ARHGAP21: variants seen among roughly 807,000 people sequenced by gnomAD.
The protein encoded by ARHGAP21 is rho GTPase-activating protein 21.
A neutral mutation model predicts 164.6 loss-of-function variants in ARHGAP21; 38 were observed. The observed-to-expected ratio is 0.23, with a 90% CI of 0.18 to 0.30. ARHGAP21 has a LOEUF of 0.30. ARHGAP21 is among the 10% of genes least tolerant of loss of function. The pLI is 1.00. For missense variants in ARHGAP21, 1,822 were observed against 2,370.7 expected (o/e 0.77, Z 4.81); for synonymous variants, 766 against 857.9 (o/e 0.89, Z 1.87).
At chr10:24,684,432 G>C (rs1277234734) in intron 2 of ARHGAP21, among the ~76,000 whole-genome samples, 2 of 152,088 alleles carry the variant, frequency 1.3e-5, no homozygotes, top group African/African-American at 4.8e-5. Context: ...CTACAAATTT[G>C]AGAGGCATAT....
At position 24,635,068 on chromosome 10, in the gene ARHGAP21, T is replaced by C. The variant is rs1183152144; in HGVS notation, c.304A>G (p.Ile102Val). 1.0e-5 allele frequency: 16 copies of C among 1,603,034 alleles called. No individual in the cohort carries two copies. The highest frequency in any genetic ancestry group is 1.3e-5 in the Non-Finnish European group (15 of 1,175,782). ...CCTTCTTTAACTTGCTTAACAAATA[T>C]GGTATCCATTGGTTCCAAGCGGTTT... is the stretch of plus-strand genomic sequence containing the variant. ...QRNRLEPMDT[I>V]FVKQVKEGGP... Residue 102 changes from isoleucine (I) to valine (V), a missense_variant, in exon 5 of 26, where the codon ATA (isoleucine) becomes GTA (valine). This residue lies in a region of ARHGAP21 where 1,090 missense variants were observed against 1,378.9 expected (regional missense o/e 0.79). Coordinates refer to ENST00000396432, the MANE Select transcript of ARHGAP21 (RefSeq NM_020824.4).
chr10:24,650,949 CAA>C (rs1224172860), intron 4 of ARHGAP21, among the ~76,000 whole-genome samples: 1 of 151,012 alleles, frequency 6.6e-6, no homozygotes, highest in Non-Finnish European at 1.5e-5. Flanking sequence ...CCATCAATCT[CAA>C]AAGGCTGAGG....
At chr10:24,660,930 T>C (rs1228935318) in intron 4 of ARHGAP21, among the ~76,000 whole-genome samples, 1 of 152,108 alleles carries the variant, frequency 6.6e-6, no homozygotes, top group Non-Finnish European at 1.5e-5. Context: ...CAGGCCCCTA[T>C]GCTGAGCCAG....
rs3184359 is a variant in ARHGAP21 at position 24,583,829 on chromosome 10, C to T, written c.*583G>A. On this transcript the variant is annotated 3_prime_UTR_variant, in exon 26 of 26. Transcript: ENST00000396432. ...ACATTTAATATGTTCATTTAAGTTA[C>T]GTATTTTACAGAAAGATTAAAAATT... is the stretch of plus-strand genomic sequence containing the variant. 1.3e-5 allele frequency: 2 copies of T among 152,506 alleles called. No individual in the cohort carries two copies. The highest frequency in any genetic ancestry group is 2.9e-5 in the Non-Finnish European group (2 of 68,022). 9.4% of individuals were successfully genotyped at this position (152,506 alleles called of 1,614,324 possible). A position where few individuals can be genotyped will look rare whatever the true frequency, so the allele number is the denominator to read the frequency against.
chr10:24,615,863 T>C (rs911720959), intron 9 of ARHGAP21, among the ~76,000 whole-genome samples: 9 of 152,216 alleles, frequency 5.9e-5, no homozygotes, highest in African/African-American at 2.2e-4. Flanking sequence ...CAACCTCTGC[T>C]TCCCAGGTTC....
chr10:24,591,706 A>G, intron 22 of ARHGAP21, 23 bp from the exon 23 acceptor site: 1 of 1,613,468 alleles, frequency 6.2e-7, no homozygotes, highest in South Asian at 1.1e-5. Flanking sequence ...AAAGGTGAGA[A>G]GAGAAATTAA....
chr10:24,590,509 G>A (rs949029620), intron 24 of ARHGAP21: 113 of 1,532,196 alleles, frequency 7.4e-5, no homozygotes, highest in Non-Finnish European at 7.2e-5. Flanking sequence ...ATTTGCCTGT[G>A]TCAGTAAGAG....
rs200336528 is a variant in ARHGAP21, at chr10:24,630,019, T to C, written c.472A>G (p.Lys158Glu). ...ACCACTTGGAGAATGTCTTCATCTT[T>C]TGGCATAACACTAAGTTCCAATGTT... The part of the protein sequence containing the change: ...DTTLELSVMP[K>E]DEDILQVLQF... Residue 158 changes from lysine to glutamate, a missense_variant, in exon 7 of 26, where the codon AAA becomes GAA. Around this residue, in one of 5 missense-constraint regions of ARHGAP21, gnomAD observed 1,090 missense variants for 1,378.9 expected, o/e 0.79. Coordinates refer to ENST00000396432, the MANE Select transcript of ARHGAP21 (RefSeq NM_020824.4). The C allele has an allele frequency of 7.8e-5, 123 of 1,572,808 alleles. 1 individual carries two copies. The South Asian group carries it at 1.1e-3, about 14-fold the overall frequency.
intron 7 of ARHGAP21, 141 bp downstream of exon 7, chr10:24,629,855 T>C (rs1473084409): frequency 1.4e-6 from 1 of 721,068 alleles, no homozygotes; most frequent in South Asian, 1.5e-5. Flanking sequence ...TGTAGAGAAT[T>C]CCAGATTCTG....
Position 24,620,030 on chromosome 10 carries a change from C to G in ARHGAP21, c.1865G>C (p.Arg622Pro). 6.2e-7 allele frequency: 1 copy of G among 1,613,948 alleles called. No homozygotes were observed. Among genetic ancestry groups the G allele is most frequent in the African/African-American group, 1.3e-5 (1 of 75,024 alleles). ...GGAAGGAGCTTTCAGAGAATTACTT[C>G]GGACTTTCACAAGAGGTGACCTGTC... The part of the protein sequence containing the change: ...SQDRSPLVKV[R>P]SNSLKAPSTH... The change falls in exon 9 of 26, where the codon CGA (arginine) becomes CCA (proline). Residue 622 changes from arginine (R) to proline (P), a missense_variant. Transcript: ENST00000396432.
Position 24,721,967 on chromosome 10 carries a change from CCA to C in ARHGAP21, c.-70_-69del, listed in dbSNP as rs970249461. On this transcript the variant is annotated 5_prime_UTR_variant, in exon 2 of 26. Coordinates refer to ENST00000396432, the MANE Select transcript of ARHGAP21 (RefSeq NM_020824.4). ...ACATTGGACGTGGCGGGGAATGCCA[CCA>C]CACACCCGAAGGGGAAGAATTCCAC... The C allele has an allele frequency of 3.7e-5, 57 of 1,522,972 alleles. No individual in the cohort carries two copies. Among genetic ancestry groups the C allele is most frequent in the Non-Finnish European group, 5.0e-5 (55 of 1,103,514 alleles). The allele number at this position is 1,522,972 out of a possible 1,614,324, so 94.3% of individuals were successfully genotyped here.
chr10:24,673,313 G>A (rs1840890602), intron 2 of ARHGAP21, among the ~76,000 whole-genome samples: 1 of 152,202 alleles, frequency 6.6e-6, no homozygotes, highest in African/African-American at 2.4e-5. Context: ...ACACAGTACA[G>A]TATTGGCATC....
At chr10:24,626,948 T>C (rs1835199840) in intron 7 of ARHGAP21, among the ~76,000 whole-genome samples, 1 of 152,212 alleles carries the variant, frequency 6.6e-6, no homozygotes, top group Non-Finnish European at 1.5e-5. Flanking sequence ...TTTAAAAACA[T>C]AAATGAATTA....
Position 24,620,604 on chromosome 10 carries a change from T to A in ARHGAP21, c.1291A>T (p.Asn431Tyr). 1 of 1,614,248 alleles carries A rather than the reference T, an allele frequency of 6.2e-7. No individual in the cohort carries two copies. The highest frequency in any genetic ancestry group is 8.5e-7 in the Non-Finnish European group (1 of 1,180,048). ...STTDYNQVVP[N>Y]RTTLQGRRRS... ...CGTCGTCCCTGCAAAGTAGTGCGGTTGGGGACGACCTGGTTATAATCTGTC... is the reference window on the plus strand; with the variant it reads ...CGTCGTCCCTGCAAAGTAGTGCGGTAGGGGACGACCTGGTTATAATCTGTC... The change falls in exon 9 of 26, where the codon AAC becomes TAC. Residue 431 changes from asparagine to tyrosine, a missense_variant. By Grantham distance (143) the Asn-to-Tyr change is moderately radical. Transcript: ENST00000396432.
At chr10:24,605,352 G>A (rs1049495998) in intron 11 of ARHGAP21, among the ~76,000 whole-genome samples, 2 of 152,196 alleles carry the variant, frequency 1.3e-5, no homozygotes, top group African/African-American at 4.8e-5. Context: ...TATCAGAGGA[G>A]AATGAGGAAA....
At chr10:24,611,349 A>C (rs1447550553) in intron 9 of ARHGAP21, among the ~76,000 whole-genome samples, 1 of 152,220 alleles carries the variant, frequency 6.6e-6, no homozygotes, top group Non-Finnish European at 1.5e-5. Flanking sequence ...AGTTGTCACC[A>C]ACGGCCACCT....
intron 24 of ARHGAP21, chr10:24,590,749 A>C (rs1028210996): frequency 2.0e-6 from 2 of 985,132 alleles, no homozygotes; most frequent in Non-Finnish European, 2.4e-6. Flanking sequence ...ATTTATGAAA[A>C]TGTATTTATG....
In ARHGAP21 at chr10:24,722,080, C is replaced by A. The variant is rs951589229; in HGVS notation, c.-181G>T. The stretch of plus-strand genomic sequence containing the variant: ...TTTCAGGAAGCGCCTTCAAATGCCT[C>A]GCTGATTTCTCGTGACTTCAACTGA... On this transcript the variant is annotated 5_prime_UTR_variant, in exon 2 of 26. Coordinates refer to ENST00000396432, the MANE Select transcript of ARHGAP21 (RefSeq NM_020824.4). 21 of 642,566 alleles carry A rather than the reference C, an allele frequency of 3.3e-5. No homozygotes were observed. The highest frequency in any genetic ancestry group is 5.1e-5 in the Non-Finnish European group (18 of 356,042). 39.8% of individuals were successfully genotyped at this position (642,566 alleles called of 1,614,324 possible).
intron 4 of ARHGAP21, among the ~76,000 whole-genome samples, chr10:24,635,562 T>G (rs1406769526): frequency 1.3e-5 from 2 of 151,576 alleles, no homozygotes; most frequent in Non-Finnish European, 1.5e-5. Flanking sequence ...GTTTTGTTTT[T>G]TTGAGATGGA....
Sources: gnomAD v4.1 joint callset for allele counts (sites outside exome capture counted in the v4.1 genomes callset) on GRCh38, gnomAD v4.1.1 for gene constraint, gnomAD v4.1.1 regional missense constraint, MANE v1.5 for transcripts, NCBI Gene and HGNC (gene_info 2026-07-23, HGNC 2026-07-21) for gene names.